The following PKIG variants were observed in gnomAD, a reference collection of about 807,000 sequenced individuals.
PKIG encodes cAMP-dependent protein kinase inhibitor gamma, also known as protein kinase (cAMP-dependent, catalytic) inhibitor gamma.
A neutral mutation model predicts 6.8 loss-of-function variants in PKIG; 1 was observed. That is an observed-to-expected ratio of 0.15 (90% CI 0.05 to 0.69). The LOEUF is 0.69. Among genes scored for constraint, PKIG ranks in the 30% least tolerant of loss-of-function variants. The pLI is 0.82. For missense variants in PKIG, 77 were observed against 104.0 expected (o/e 0.74, Z 1.13); for synonymous variants, 39 against 43.0 (o/e 0.91, Z 0.36).
chr20:44,595,932 G>A (rs2065071839), intron 2 of PKIG, among the ~76,000 whole-genome samples: 1 of 152,064 alleles, frequency 6.6e-6, no homozygotes, highest in Non-Finnish European at 1.5e-5. Context: ...CCCATAAGTG[G>A]TAGCCAATTT....
intron 3 of PKIG, among the ~76,000 whole-genome samples, chr20:44,616,497 G>A (rs1186094699): frequency 6.6e-6 from 1 of 152,178 alleles, no homozygotes; most frequent in Admixed American, 6.5e-5. Context: ...GGTGAGCTCT[G>A]TTCTGTCTCT....
intron 2 of PKIG, among the ~76,000 whole-genome samples, chr20:44,590,542 C>T (rs2065025723): frequency 6.6e-6 from 1 of 152,162 alleles, no homozygotes; most frequent in Non-Finnish European, 1.5e-5. Flanking sequence ...GACTTTTTAC[C>T]TAAAGCAGCA....
chr20:44,586,119 A>G (rs1229820712), intron 1 of PKIG, among the ~76,000 whole-genome samples: 2 of 152,296 alleles, frequency 1.3e-5, no homozygotes, highest in Middle Eastern at 3.4e-3. Flanking sequence ...CCTAGCTGGG[A>G]GATCCTGGAC....
chr20:44,538,810 A>G (rs747437001), intron 1 of PKIG, among the ~76,000 whole-genome samples: 3 of 152,258 alleles, frequency 2.0e-5, no homozygotes, highest in Middle Eastern at 6.8e-3. Context: ...TTTTTTCAAG[A>G]TGGAGTCTCG....
chr20:44,605,626 T>C, intron 2 of PKIG, among the ~76,000 whole-genome samples: 1 of 150,754 alleles, frequency 6.6e-6, no homozygotes. Context: ...ATAAAAGTAC[T>C]AGAGAGGCCA....
At chr20:44,583,867 T>G (rs780398223) in intron 1 of PKIG, among the ~76,000 whole-genome samples, 1 of 152,136 alleles carries the variant, frequency 6.6e-6, no homozygotes, top group South Asian at 2.1e-4. Context: ...TAAAAACGGG[T>G]GCCTGTAGGA....
At chr20:44,586,916 T>G (rs533081250) in intron 1 of PKIG, among the ~76,000 whole-genome samples, 2 of 152,270 alleles carry the variant, frequency 1.3e-5, no homozygotes. Flanking sequence ...CAAAAAGAAG[T>G]CTCTTTAATG....
upstream of PKIG, among the ~76,000 whole-genome samples, chr20:44,581,012 G>T (rs190005098): frequency 3.9e-5 from 6 of 152,280 alleles, no homozygotes; most frequent in East Asian, 5.8e-4. Context: ...TGACCTAGTG[G>T]CCTGAGTGTT....
upstream of PKIG, among the ~76,000 whole-genome samples, chr20:44,579,562 C>T (rs1486806974): frequency 6.6e-6 from 1 of 152,218 alleles, no homozygotes; most frequent in Non-Finnish European, 1.5e-5. Flanking sequence ...TTAATAATGT[C>T]TCCTGCACCC....
chr20:44,600,758 C>T (rs904646683), intron 2 of PKIG, among the ~76,000 whole-genome samples: 13 of 151,328 alleles, frequency 8.6e-5, no homozygotes, highest in African/African-American at 2.4e-4. Context: ...GAAGAAGAAG[C>T]GAGGTCAGGG....
At chr20:44,583,864 G>A (rs1327885129) in intron 1 of PKIG, among the ~76,000 whole-genome samples, 3 of 152,108 alleles carry the variant, frequency 2.0e-5, no homozygotes, top group African/African-American at 4.8e-5. Flanking sequence ...AGCTAAAAAC[G>A]GGTGCCTGTA....
chr20:44,618,459 C>T lies in PKIG; in HGVS notation c.*95C>T, dbSNP rs2065291387. 2.6e-5 allele frequency: 23 copies of T among 869,816 alleles called. No homozygotes were observed. The Admixed American group carries it at 4.0e-4, about 15-fold the overall frequency. 53.9% of individuals were successfully genotyped at this position (869,816 alleles called of 1,614,324 possible). A position where few individuals can be genotyped will look rare whatever the true frequency, so the allele number is the denominator to read the frequency against. The stretch of plus-strand genomic sequence containing the variant: ...GGCCCAGCAGCCTCTTCTCTGAGCT[C>T]CATGTCCCAGATAAACCAGGCCAGA... On this transcript the variant is annotated 3_prime_UTR_variant, in exon 4 of 4. Transcript: ENST00000372886.
At chr20:44,599,239 G>A (rs975275420) in intron 2 of PKIG, among the ~76,000 whole-genome samples, 2 of 152,152 alleles carry the variant, frequency 1.3e-5, no homozygotes, top group South Asian at 2.1e-4. Context: ...TACATGCCAG[G>A]CATAATACTA....
intron 2 of PKIG, among the ~76,000 whole-genome samples, chr20:44,604,088 G>A (rs2065144350): frequency 6.6e-6 from 1 of 152,108 alleles, no homozygotes; most frequent in African/African-American, 2.4e-5. Context: ...AGTTGGGGAA[G>A]GTTGTAGTAG....
upstream of PKIG, among the ~76,000 whole-genome samples, chr20:44,578,636 C>G (rs979406449): frequency 1.3e-5 from 2 of 152,190 alleles, no homozygotes; most frequent in African/African-American, 4.8e-5. Flanking sequence ...TAAGGCCTCA[C>G]CAGAAGCAGA....
intron 1 of PKIG, among the ~76,000 whole-genome samples, chr20:44,563,785 C>A (rs2064787858): frequency 6.6e-6 from 1 of 152,170 alleles, no homozygotes; most frequent in East Asian, 1.9e-4. Flanking sequence ...TCCACCTCAG[C>A]CTCCCAAAGT....
At position 44,552,514 on chromosome 20, in the gene PKIG, C is replaced by T. The variant is rs554699917; in HGVS notation, c.-241+20536C>T. On this transcript the variant is annotated intron_variant, in intron 1 of 4. Coordinates refer to the PKIG transcript ENST00000372887. ...TCCCCTGCAGTACCTGATGCATTGCCTTGCTCAGGGTAATTCATATATATT... is the reference window on the plus strand; with the variant it reads ...TCCCCTGCAGTACCTGATGCATTGCTTTGCTCAGGGTAATTCATATATATT... 2.0e-5 allele frequency among the ~76,000 whole-genome samples: 3 copies of T among 152,248 alleles called. No individual in the cohort carries two copies. In the South Asian group the frequency reaches 6.2e-4, roughly 32 times the overall value.
chr20:44,545,012 T>C (rs914013136), intron 1 of PKIG, among the ~76,000 whole-genome samples: 4 of 137,026 alleles, frequency 2.9e-5, no homozygotes, highest in African/African-American at 1.1e-4. Context: ...CTTGGTTCAC[T>C]ACAACCTCCA....
intron 2 of PKIG, among the ~76,000 whole-genome samples, chr20:44,594,550 A>G (rs2065059772): frequency 6.6e-6 from 1 of 152,220 alleles, no homozygotes; most frequent in Non-Finnish European, 1.5e-5. Context: ...ACAAAAGAAG[A>G]AACTGAGGCT....
Sources: gnomAD v4.1 joint callset for allele counts (sites outside exome capture counted in the v4.1 genomes callset) on GRCh38, gnomAD v4.1.1 for gene constraint, MANE v1.5 for transcripts, NCBI Gene and HGNC (gene_info 2026-07-23, HGNC 2026-07-21) for gene names.